SVOP: variants seen among roughly 807,000 people sequenced by gnomAD.
SVOP encodes the protein SV2 related protein.
A neutral mutation model predicts 69.1 loss-of-function variants in SVOP; 17 were observed. The observed-to-expected ratio is 0.25, with a 90% confidence interval of 0.17 to 0.37. The LOEUF (loss-of-function observed/expected upper bound fraction) is 0.37. SVOP is among the 10% of genes least tolerant of loss of function. The pLI, the probability that SVOP is intolerant of heterozygous loss-of-function variation, is 1.00. For synonymous variants in SVOP, 238 were observed against 238.6 expected, an observed-to-expected ratio of 1.00 and a Z score of 0.02; for missense variants, 435 against 597.5, an observed-to-expected ratio of 0.73 and a Z score of 2.84.
In SVOP at chr12:108,922,813, A is replaced by G. The variant is rs1402188063; in HGVS notation, c.1049-16T>C. 1 of 1,571,938 alleles carries G rather than the reference A, an allele frequency of 6.4e-7. No individual in the cohort carries two copies. Among genetic ancestry groups the G allele is most frequent in the Non-Finnish European group, 8.7e-7 (1 of 1,152,182 alleles). On this transcript the variant is annotated splice_polypyrimidine_tract_variant and intron_variant, in intron 11 of 15. Transcript: ENST00000610966. ...CGACTGGAGACTGGGGTTGGGAGAG[A>G]GAAAGAGAGGGGGAGACATATACAG...
chr12:108,994,123 G>A (rs149653471), intron 1 of SVOP, among the ~76,000 whole-genome samples: 3 of 152,314 alleles, frequency 2.0e-5, no homozygotes, highest in African/African-American at 4.8e-5. Context: ...AATGTCCCGT[G>A]CTGCCACCAG....
intron 1 of SVOP, among the ~76,000 whole-genome samples, chr12:109,011,884 T>C (rs1442137350): frequency 6.6e-6 from 1 of 152,166 alleles, no homozygotes; most frequent in East Asian, 1.9e-4. Context: ...CTCATTTATA[T>C]GTGGAATCTG....
At chr12:108,958,863 AG>A (rs1450920933) in intron 6 of SVOP, among the ~76,000 whole-genome samples, 2 of 151,980 alleles carry the variant, frequency 1.3e-5, no homozygotes, top group Non-Finnish European at 2.9e-5. Flanking sequence ...ACACCTCTGA[AG>A]GGCCACCTCT....
At chr12:108,987,525 C>T (rs1277428434) in intron 1 of SVOP, among the ~76,000 whole-genome samples, 1 of 152,206 alleles carries the variant, frequency 6.6e-6, no homozygotes, top group African/African-American at 2.4e-5. Flanking sequence ...GCCAGAATGT[C>T]TTCCACAGTG....
chr12:108,986,304 C>T (rs546753688), intron 1 of SVOP, among the ~76,000 whole-genome samples: 15 of 152,140 alleles, frequency 9.9e-5, no homozygotes, highest in Non-Finnish European at 1.8e-4. Flanking sequence ...GGCATGGAAC[C>T]GGGATTCAAC....
chr12:108,981,846 T>G (rs1391918286), intron 2 of SVOP, among the ~76,000 whole-genome samples: 6 of 152,024 alleles, frequency 3.9e-5, no homozygotes, highest in African/African-American at 1.4e-4. Flanking sequence ...ATAACCAACA[T>G]CATCACCACC....
At chr12:108,994,842 T>G (rs1257435428) in intron 1 of SVOP, among the ~76,000 whole-genome samples, 1 of 152,204 alleles carries the variant, frequency 6.6e-6, no homozygotes, top group African/African-American at 2.4e-5. Flanking sequence ...ATCCACTTTT[T>G]AAATGTTTTT....
rs1397833124 is a variant in SVOP at position 108,912,064 on chromosome 12, G to A, written c.*471C>T. 3.8e-5 allele frequency: 24 copies of A among 632,406 alleles called. No homozygotes were observed. Among genetic ancestry groups the A allele is most frequent in the Middle Eastern group, 1.6e-3 (2 of 1,254 alleles). 39.2% of individuals were successfully genotyped at this position (632,406 alleles called of 1,614,324 possible). A position where few individuals can be genotyped will look rare whatever the true frequency, so the allele number is the denominator to read the frequency against. On this transcript the variant is annotated 3_prime_UTR_variant, in exon 16 of 16. Coordinates refer to ENST00000610966, the MANE Select transcript of SVOP (RefSeq NM_018711.5). ...TAGCTGCTCAGACCACACCTAGATCGCCTGCAATTTCAAAGAAGAAAGCCT... is the reference window on the plus strand; with the variant it reads ...TAGCTGCTCAGACCACACCTAGATCACCTGCAATTTCAAAGAAGAAAGCCT...
intron 14 of SVOP, 105 bp downstream of exon 14, chr12:108,917,938 G>A (rs1475109892): frequency 5.5e-6 from 5 of 905,328 alleles, no homozygotes; most frequent in East Asian, 5.7e-5. Flanking sequence ...GAGCTACCGC[G>A]CCCACCACCT....
intron 7 of SVOP, among the ~76,000 whole-genome samples, chr12:108,942,130 C>A (rs2039895011): frequency 6.6e-6 from 1 of 152,222 alleles, no homozygotes; most frequent in Non-Finnish European, 1.5e-5. Context: ...TTTCCCTGAG[C>A]ATAATGTCCT....
In SVOP at chr12:108,985,160, G is replaced by C. The variant is rs985960384; in HGVS notation, c.36-1399C>G. On this transcript the variant is annotated intron_variant, in intron 1 of 15. Transcript: ENST00000610966. ...GAGGATCACTTGAACCCATAAGGGT[G>C]AGGCTGCAGTGAGCCGTGATCATAC... 9.8e-3 allele frequency among the ~76,000 whole-genome samples: 1,487 copies of C among 151,958 alleles called. 15 individuals are homozygous for C. Among genetic ancestry groups the C allele is most frequent in the South Asian group, 0.019 (89 of 4,800 alleles).
At chr12:109,020,163 A>C (rs1157762429) in intron 1 of SVOP, among the ~76,000 whole-genome samples, 1 of 152,106 alleles carries the variant, frequency 6.6e-6, no homozygotes, top group Non-Finnish European at 1.5e-5. Context: ...TCTCAGAGCA[A>C]ATTTGGTTTT....
chr12:108,976,022 A>G (rs993626840), intron 4 of SVOP, among the ~76,000 whole-genome samples: 3 of 152,092 alleles, frequency 2.0e-5, no homozygotes, highest in African/African-American at 7.2e-5. Context: ...TTTAGGAGAC[A>G]TTGGTAAGAA....
intron 6 of SVOP, among the ~76,000 whole-genome samples, chr12:108,960,711 A>T (rs1261082852): frequency 6.6e-6 from 1 of 152,140 alleles, no homozygotes; most frequent in Non-Finnish European, 1.5e-5. Context: ...CCTTCCAGCC[A>T]TTGTGTTGTT....
At chr12:109,020,806 G>A (rs1437293812) in intron 1 of SVOP, 28 bp downstream of exon 1, 10 of 687,052 alleles carry the variant, frequency 1.5e-5, no homozygotes, top group East Asian at 2.8e-5. Context: ...AAGCCTGTCT[G>A]CCTCTTGCTC....
chr12:108,917,149 T>C (rs2039719010), intron 14 of SVOP, among the ~76,000 whole-genome samples: 1 of 152,234 alleles, frequency 6.6e-6, no homozygotes, highest in Non-Finnish European at 1.5e-5. Flanking sequence ...CAATGCTCAG[T>C]GTAGAAAGCT....
At chr12:108,969,320 C>T (rs2137428398) in intron 5 of SVOP, among the ~76,000 whole-genome samples, 1 of 148,652 alleles carries the variant, frequency 6.7e-6, no homozygotes, top group African/African-American at 2.5e-5. Flanking sequence ...TTCCTTTCTT[C>T]CTCCCCCCTC....
intron 11 of SVOP, among the ~76,000 whole-genome samples, chr12:108,930,238 T>C (rs999777418): frequency 6.6e-6 from 1 of 152,174 alleles, no homozygotes; most frequent in Admixed American, 6.5e-5. Flanking sequence ...CAGAGTTTAA[T>C]TGAACAAACA....
At chr12:108,954,634 C>T (rs1314265829) in intron 6 of SVOP, among the ~76,000 whole-genome samples, 2 of 152,186 alleles carry the variant, frequency 1.3e-5, no homozygotes, top group Non-Finnish European at 2.9e-5. Flanking sequence ...TCCAGCTACT[C>T]CACCCTTGCA....
Sources: allele counts gnomAD v4.1 joint callset (sites outside exome capture counted in the v4.1 genomes callset), GRCh38; gene constraint gnomAD v4.1.1; transcripts MANE v1.5; gene names NCBI Gene and HGNC (gene_info 2026-07-23, HGNC 2026-07-21).